The following FAM13A variants were observed in gnomAD, a reference collection of about 807,000 sequenced individuals.
The protein encoded by FAM13A is family with sequence similarity 13 member A.
In FAM13A, 76 loss-of-function variants were observed where a neutral mutation model predicts 129.6. That is an observed-to-expected ratio of 0.59 (90% CI 0.49 to 0.71). The LOEUF is 0.71. Among genes scored for constraint, FAM13A ranks in the 30% least tolerant of loss-of-function variants. The pLI, the probability that FAM13A is intolerant of heterozygous loss-of-function variation, is 0.00. For missense variants in FAM13A, 1,108 were observed against 1,249.3 expected (o/e 0.89, Z 1.70); for synonymous variants, 443 against 449.9 (o/e 0.98, Z 0.20).
intron 6 of FAM13A, among the ~76,000 whole-genome samples, chr4:88,883,303 T>C (rs1466056869): frequency 1.3e-5 from 2 of 152,046 alleles, no homozygotes; most frequent in African/African-American, 4.8e-5. Flanking sequence ...GATTGAAATA[T>C]ATCAAGTATG....
intron 3 of FAM13A, among the ~76,000 whole-genome samples, chr4:88,992,890 C>T (rs1763081788): frequency 6.7e-6 from 1 of 150,298 alleles, no homozygotes; most frequent in Non-Finnish European, 1.5e-5. Flanking sequence ...AGCAGTTGTA[C>T]TGCCTACATA....
intron 4 of FAM13A, among the ~76,000 whole-genome samples, chr4:88,945,990 G>GTGTGTGTGTGTGTGTATATATATATA: frequency 2.7e-4 from 17 of 61,908 alleles, no homozygotes; most frequent in Admixed American, 8.5e-4. Flanking sequence ...GTGTGTGTGT[G>GTGTGTGTGTGTGTGTATATATATATA]TATATATATA....
intron 7 of FAM13A, among the ~76,000 whole-genome samples, chr4:88,824,649 A>C (rs1376492495): frequency 6.6e-6 from 1 of 152,166 alleles, no homozygotes; most frequent in African/African-American, 2.4e-5. Context: ...TTAGTTCCAT[A>C]TATTTCCATA....
At chr4:88,958,131 G>T (rs936540794) in intron 4 of FAM13A, among the ~76,000 whole-genome samples, 6 of 152,236 alleles carry the variant, frequency 3.9e-5, no homozygotes, top group African/African-American at 1.2e-4. Context: ...CCACTTGCTA[G>T]AGAAATTTGC....
chr4:88,918,950 G>A (rs1750557280), intron 5 of FAM13A, among the ~76,000 whole-genome samples: 1 of 152,134 alleles, frequency 6.6e-6, no homozygotes, highest in Non-Finnish European at 1.5e-5. Flanking sequence ...ATGGTAGCTG[G>A]TCTAATATGA....
At position 88,880,480 on chromosome 4, in the gene FAM13A, G is replaced by A. The variant is rs193097465; in HGVS notation, c.843+25899C>T. 5.9e-5 allele frequency among the ~76,000 whole-genome samples: 9 copies of A among 152,150 alleles called. No homozygotes were observed. The East Asian group carries it at 1.4e-3, about 23-fold the overall frequency. ...CCATTTCTGACTTTGTCTCATAGGGGTCCTTGGGCAGGACTGCCAAAGGAA... is the reference window on the plus strand; with the variant it reads ...CCATTTCTGACTTTGTCTCATAGGGATCCTTGGGCAGGACTGCCAAAGGAA... On this transcript the variant is annotated intron_variant, in intron 6 of 23. Coordinates refer to ENST00000264344, the MANE Select transcript of FAM13A (RefSeq NM_014883.4).
chr4:88,950,052 TG>T (rs1756678816), intron 4 of FAM13A, among the ~76,000 whole-genome samples: 1 of 152,210 alleles, frequency 6.6e-6, no homozygotes. Context: ...ACCAATCATT[TG>T]GGTGGATAAG....
At chr4:89,032,550 G>A (rs926312184) in intron 1 of FAM13A, among the ~76,000 whole-genome samples, 1 of 152,104 alleles carries the variant, frequency 6.6e-6, no homozygotes, top group Non-Finnish European at 1.5e-5. Flanking sequence ...AGTCAAAAAG[G>A]GCTGTGCCTA....
At chr4:88,934,345 T>C (rs767403568) in intron 5 of FAM13A, among the ~76,000 whole-genome samples, 3 of 152,212 alleles carry the variant, frequency 2.0e-5, no homozygotes, top group Non-Finnish European at 4.4e-5. Flanking sequence ...TTTCATCTAT[T>C]GTTCAGTATG....
In FAM13A at chr4:88,726,222, C is replaced by T. The variant is rs1445199170; in HGVS notation, c.*2311G>A. On this transcript the variant is annotated 3_prime_UTR_variant, in exon 24 of 24. Transcript: ENST00000264344. ...CAGAAACCACTGACTGACTGACTAA[C>T]AAACATTTCTTCAAATAAGATCTAG... 6.6e-6 allele frequency: 1 copy of T among 152,176 alleles called. No individual in the cohort carries two copies. Among genetic ancestry groups the T allele is most frequent in the Non-Finnish European group, 1.5e-5 (1 of 68,034 alleles). The allele number at this position is 152,176 out of a possible 1,614,324, so 9.4% of individuals were successfully genotyped here.
At chr4:88,921,113 T>C (rs1330613385) in intron 5 of FAM13A, among the ~76,000 whole-genome samples, 1 of 152,120 alleles carries the variant, frequency 6.6e-6, no homozygotes, top group Non-Finnish European at 1.5e-5. Context: ...TGGAACCAAG[T>C]TGGAAACCAC....
intron 4 of FAM13A, among the ~76,000 whole-genome samples, chr4:88,983,660 T>C (rs1256248230): frequency 2.0e-5 from 3 of 152,094 alleles, no homozygotes; most frequent in African/African-American, 7.2e-5. Context: ...CCTAAGTAAA[T>C]GGAAAAATAT....
intron 10 of FAM13A, among the ~76,000 whole-genome samples, chr4:88,787,076 C>T (rs1023411556): frequency 3.3e-5 from 5 of 151,814 alleles, no homozygotes; most frequent in African/African-American, 1.2e-4. Context: ...AATTTATTTT[C>T]CTTGACAATT....
intron 5 of FAM13A, among the ~76,000 whole-genome samples, chr4:88,926,562 T>C (rs1013985619): frequency 3.9e-5 from 6 of 152,186 alleles, no homozygotes; most frequent in African/African-American, 1.4e-4. Flanking sequence ...TTCCTTATAA[T>C]AGGAAAGAAT....
In FAM13A at chr4:88,781,281, C is replaced by T; in HGVS notation, c.1342G>A (p.Glu448Lys). The T allele has an allele frequency of 6.2e-7, 1 of 1,613,008 alleles. No homozygotes were observed. The highest frequency in any genetic ancestry group is 1.1e-5 in the South Asian group (1 of 90,950). ...HLDDCILNTQ[E>K]VEKVHKNTFG... is the part of the protein sequence containing the mutation. Reference sequence around the variant, plus strand: ...GTATTTTTGTGTACCTTTTCGACTTCCTGAGTATTCAAAATACAATCATCA... The same window carrying T: ...GTATTTTTGTGTACCTTTTCGACTTTCTGAGTATTCAAAATACAATCATCA... The change falls in exon 11 of 24, where the codon GAA (glutamate) becomes AAA (lysine). Residue 448 changes from glutamate (E) to lysine (K), a missense_variant. Physicochemically the swap from Glu to Lys is moderately conservative, Grantham distance 56 (BLOSUM62 1). Transcript: ENST00000264344.
chr4:88,875,820 T>C (rs1326982452), intron 6 of FAM13A, among the ~76,000 whole-genome samples: 1 of 152,206 alleles, frequency 6.6e-6, no homozygotes, highest in African/African-American at 2.4e-5. Flanking sequence ...TAAATCATGC[T>C]ACTATAAAGA....
intron 6 of FAM13A, among the ~76,000 whole-genome samples, chr4:88,866,763 A>G (rs866184335): frequency 2.0e-5 from 3 of 152,168 alleles, no homozygotes; most frequent in Admixed American, 6.5e-5. Flanking sequence ...TCTATACTTT[A>G]TTAGTGAAAA....
At chr4:88,894,558 C>CT (rs530318921) in intron 6 of FAM13A, among the ~76,000 whole-genome samples, 206 of 152,292 alleles carry the variant, frequency 1.4e-3, no homozygotes, top group African/African-American at 4.7e-3. Flanking sequence ...GAGTCTCACT[C>CT]TGTCACTCAG....
At position 89,057,119 on chromosome 4, in the gene FAM13A, T is replaced by G; in HGVS notation, c.-155A>C. On this transcript the variant is annotated 5_prime_UTR_variant, in exon 1 of 24. It removes an upstream start codon present in the reference 5' UTR. Coordinates refer to ENST00000264344, the MANE Select transcript of FAM13A (RefSeq NM_014883.4). Reference sequence around the variant, plus strand: ...GGTAAGCGAAGAGCAGCTTCTAACATTTTAGGAAGAGTGGTTTTGCTTCTC... The same window carrying G: ...GGTAAGCGAAGAGCAGCTTCTAACAGTTTAGGAAGAGTGGTTTTGCTTCTC... 6.9e-7 allele frequency: 1 copy of G among 1,451,790 alleles called. No individual in the cohort carries two copies. The highest frequency in any genetic ancestry group is 1.5e-5 in the South Asian group (1 of 65,458). 89.9% of individuals were successfully genotyped at this position (1,451,790 alleles called of 1,614,324 possible). A position where few individuals can be genotyped will look rare whatever the true frequency, so the allele number is the denominator to read the frequency against.
Sources: gnomAD v4.1 joint callset for allele counts (sites outside exome capture counted in the v4.1 genomes callset) on GRCh38, gnomAD v4.1.1 for gene constraint, MANE v1.5 for transcripts, NCBI Gene and HGNC (gene_info 2026-07-23, HGNC 2026-07-21) for gene names.